The following PRKG2 variants were observed in gnomAD, a reference collection of about 807,000 sequenced individuals.
PRKG2 encodes the protein cGMP-dependent protein kinase 2.
PRKG2 carries 33 observed loss-of-function variants against 97.2 expected under a neutral mutation model. The observed-to-expected ratio is 0.34, with a 90% CI of 0.26 to 0.45. PRKG2 has a LOEUF of 0.45. PRKG2 is among the 20% of genes least tolerant of loss of function. The probability of loss-of-function intolerance (pLI) is 1.00; values close to 1 mark genes in which losing one functional copy is unlikely to be tolerated. For synonymous variants in PRKG2, 330 were observed against 321.8 expected, an observed-to-expected ratio of 1.03 and a Z score of -0.27; for missense variants, 638 against 900.0, an observed-to-expected ratio of 0.71 and a Z score of 3.73.
At chr4:81,136,882 G>T (rs2110030473) in intron 13 of PRKG2, among the ~76,000 whole-genome samples, 1 of 152,300 alleles carries the variant, frequency 6.6e-6, no homozygotes, top group African/African-American at 2.4e-5. Context: ...AGTACACACT[G>T]TCTAGAGCGT....
intron 2 of PRKG2, among the ~76,000 whole-genome samples, chr4:81,199,018 CTTCAA>C (rs1166135491): frequency 6.6e-6 from 1 of 152,100 alleles, no homozygotes; most frequent in African/African-American, 2.4e-5. Flanking sequence ...ATATAGACAG[CTTCAA>C]TTTTTGCTTT....
chr4:81,115,129 T>C (rs1022170461), intron 14 of PRKG2, among the ~76,000 whole-genome samples: 2 of 152,274 alleles, frequency 1.3e-5, no homozygotes, highest in Admixed American at 6.5e-5. Flanking sequence ...TAGAAATGTA[T>C]ACAAGAGTAA....
intron 14 of PRKG2, among the ~76,000 whole-genome samples, chr4:81,111,273 C>T (rs757801563): frequency 1.1e-4 from 17 of 152,088 alleles, no homozygotes; most frequent in Admixed American, 3.3e-4. Flanking sequence ...GCAGTATCTA[C>T]GTTAACTTAC....
At chr4:81,157,116 C>T (rs138366693) in intron 6 of PRKG2, among the ~76,000 whole-genome samples, 2 of 152,110 alleles carry the variant, frequency 1.3e-5, no homozygotes, top group Non-Finnish European at 2.9e-5. Context: ...ACAAAAAACC[C>T]TTCCAAAAAT....
chr4:81,183,889 T>C (rs1264537749), intron 2 of PRKG2, among the ~76,000 whole-genome samples: 1 of 152,160 alleles, frequency 6.6e-6, no homozygotes, highest in African/African-American at 2.4e-5. Flanking sequence ...AAGTTCAAAC[T>C]AGGTGGAGCC....
chr4:81,174,707 C>T, intron 3 of PRKG2, 86 bp downstream of exon 3: 1 of 1,326,174 alleles, frequency 7.5e-7, no homozygotes, highest in South Asian at 1.5e-5. Flanking sequence ...AATAGAGCAA[C>T]CAGTTTTATG....
chr4:81,209,644 G>A (rs569546205), intron 1 of PRKG2, among the ~76,000 whole-genome samples: 1 of 151,936 alleles, frequency 6.6e-6, no homozygotes, highest in Non-Finnish European at 1.5e-5. Context: ...ATTTAGCACA[G>A]GTATTAGCAT....
upstream of PRKG2, among the ~76,000 whole-genome samples, chr4:81,216,860 T>C (rs529817288): frequency 1.3e-5 from 2 of 150,670 alleles, no homozygotes; most frequent in Non-Finnish European, 3.0e-5. Flanking sequence ...AAGATATGAT[T>C]TCATTGTTTT....
chr4:81,098,826 GAA>G (rs1742397384), intron 17 of PRKG2, among the ~76,000 whole-genome samples: 2 of 152,272 alleles, frequency 1.3e-5, no homozygotes, highest in Non-Finnish European at 1.5e-5. Context: ...TAAAAATAAT[GAA>G]AAGTGTAAAA....
At chr4:81,217,434 C>A (rs1220623753), upstream of PRKG2, among the ~76,000 whole-genome samples, 1 of 152,154 alleles carries the variant, frequency 6.6e-6, no homozygotes. Context: ...TCCCTCCCAG[C>A]AATCCTATGC....
At chr4:81,151,890 C>A in intron 8 of PRKG2, 70 bp downstream of exon 8, 1 of 1,249,878 alleles carries the variant, frequency 8.0e-7, no homozygotes, top group South Asian at 1.3e-5. Flanking sequence ...TTTAACAACT[C>A]TAAATGATTT....
intron 8 of PRKG2, among the ~76,000 whole-genome samples, chr4:81,149,587 A>G (rs1748186856): frequency 6.6e-6 from 1 of 152,140 alleles, no homozygotes. Flanking sequence ...ACATCTTGCA[A>G]TTATATATGA....
At chr4:81,150,724 C>T (rs1166623577) in intron 8 of PRKG2, among the ~76,000 whole-genome samples, 2 of 152,084 alleles carry the variant, frequency 1.3e-5, no homozygotes, top group Admixed American at 6.6e-5. Context: ...GTGCTGTGCA[C>T]TTTCAAGCTT....
At chr4:81,176,826 A>T (rs1239903293) in intron 2 of PRKG2, among the ~76,000 whole-genome samples, 10 of 151,874 alleles carry the variant, frequency 6.6e-5, no homozygotes, top group Admixed American at 6.6e-4. Flanking sequence ...TTTTTGGTTT[A>T]ACTTCATTCA....
chr4:81,126,973 A>G (rs1262776195), intron 14 of PRKG2, among the ~76,000 whole-genome samples: 1 of 152,160 alleles, frequency 6.6e-6, no homozygotes, highest in Non-Finnish European at 1.5e-5. Context: ...GGTACCGCCT[A>G]GGTTTCCTTC....
chr4:81,196,863 T>C (rs1475816400), intron 2 of PRKG2, among the ~76,000 whole-genome samples: 1 of 151,970 alleles, frequency 6.6e-6, no homozygotes, highest in Non-Finnish European at 1.5e-5. Flanking sequence ...AGAAGACAAA[T>C]CATTTTAAAG....
intron 17 of PRKG2, among the ~76,000 whole-genome samples, chr4:81,097,397 C>T (rs1044460457): frequency 6.6e-6 from 1 of 152,074 alleles, no homozygotes; most frequent in Admixed American, 6.6e-5. Context: ...GTCATTCAGG[C>T]TTTGTTCAAT....
At chr4:81,125,107 T>A (rs1745426891) in intron 14 of PRKG2, among the ~76,000 whole-genome samples, 1 of 152,174 alleles carries the variant, frequency 6.6e-6, no homozygotes, top group Non-Finnish European at 1.5e-5. Context: ...TTCACAGATT[T>A]TTTTCTTTGT....
Position 81,125,262 on chromosome 4 carries a change from G to C in PRKG2, c.1776+9893C>G, listed in dbSNP as rs865799846. Among the ~76,000 whole-genome samples, 3 of 152,134 alleles carry C rather than the reference G, an allele frequency of 2.0e-5. No individual in the cohort carries two copies. In the South Asian group the frequency reaches 6.2e-4, roughly 32 times the overall value. ...GTAGCTGCAACCACTATACTGTCAA[G>C]ATAGAGGCATTCCCGTTATTTCAAA... On this transcript the variant is annotated intron_variant, in intron 14 of 18. Coordinates refer to ENST00000264399, the MANE Select transcript of PRKG2 (RefSeq NM_006259.3).
Sources: gnomAD v4.1 joint callset for allele counts (sites outside exome capture counted in the v4.1 genomes callset) on GRCh38, gnomAD v4.1.1 for gene constraint, MANE v1.5 for transcripts, NCBI Gene and HGNC (gene_info 2026-07-23, HGNC 2026-07-21) for gene names.